Variants in RTN4RL1 observed in about 807,000 individuals in gnomAD.
RTN4RL1 encodes reticulon 4 receptor like 1, also known as reticulon-4 receptor-like 1.
RTN4RL1 carries 7 observed loss-of-function variants against 25.6 expected under a neutral mutation model. The observed-to-expected ratio is 0.27, with a 90% CI of 0.16 to 0.51. The LOEUF is 0.51. Among genes scored for constraint, RTN4RL1 ranks in the 20% least tolerant of loss-of-function variants. The pLI is 0.97. For synonymous variants in RTN4RL1, 297 were observed against 288.2 expected, an observed-to-expected ratio of 1.03 and a Z score of -0.31; for missense variants, 500 against 615.6, an observed-to-expected ratio of 0.81 and a Z score of 1.99.
intron 1 of RTN4RL1, among the ~76,000 whole-genome samples, chr17:1,981,831 C>T (rs11651343): frequency 0.099 from 15,084 of 152,258 alleles, 836 homozygotes; most frequent in Admixed American, 0.13. Flanking sequence ...AGAAATGTAT[C>T]ATCAGACCAT....
chr17:1,944,437 A>C (rs1915495883), intron 1 of RTN4RL1, among the ~76,000 whole-genome samples: 1 of 151,838 alleles, frequency 6.6e-6, no homozygotes, highest in Non-Finnish European at 1.5e-5. Context: ...CAGCGCCTTC[A>C]TTTCAGCTTC....
intron 1 of RTN4RL1, among the ~76,000 whole-genome samples, chr17:1,999,446 G>T (rs995763712): frequency 7.0e-5 from 8 of 114,546 alleles, no homozygotes; most frequent in African/African-American, 1.6e-4. Flanking sequence ...ACTCCGTCTC[G>T]AAAAAAATAA....
chr17:1,989,212 G>A (rs991123291), intron 1 of RTN4RL1, among the ~76,000 whole-genome samples: 2 of 152,152 alleles, frequency 1.3e-5, no homozygotes, highest in Non-Finnish European at 2.9e-5. Flanking sequence ...AGGATGTGCA[G>A]GAGATGGACT....
At chr17:1,959,353 A>G (rs2151309437) in intron 1 of RTN4RL1, among the ~76,000 whole-genome samples, 1 of 152,268 alleles carries the variant, frequency 6.6e-6, no homozygotes, top group South Asian at 2.1e-4. Flanking sequence ...CACTGGACAC[A>G]GTTGGCCCTC....
chr17:1,943,496 C>T (rs1915480121), intron 1 of RTN4RL1, among the ~76,000 whole-genome samples: 1 of 152,204 alleles, frequency 6.6e-6, no homozygotes, highest in South Asian at 2.1e-4. Flanking sequence ...GTCTTGGAGA[C>T]CGGTAAGATC....
At chr17:2,015,234 G>A (rs999069749) in intron 1 of RTN4RL1, among the ~76,000 whole-genome samples, 1 of 152,180 alleles carries the variant, frequency 6.6e-6, no homozygotes, top group Non-Finnish European at 1.5e-5. Flanking sequence ...CAGCTCTTGG[G>A]CTGGGGGTGG....
intron 1 of RTN4RL1, among the ~76,000 whole-genome samples, chr17:1,940,342 CGTGCTCTCTGTGCTCTCTGCA>C (rs1453391760): frequency 7.9e-5 from 12 of 152,224 alleles, no homozygotes; most frequent in African/African-American, 2.2e-4. Flanking sequence ...TGGGCCAAGC[CGTGCTCTCTGTGCTCTCTGCA>C]GTGACTTCTG....
intron 1 of RTN4RL1, among the ~76,000 whole-genome samples, chr17:1,997,009 C>T (rs1261744145): frequency 6.6e-6 from 1 of 152,208 alleles, no homozygotes; most frequent in Non-Finnish European, 1.5e-5. Context: ...CACCACTGCA[C>T]CATCCCCCGC....
intron 1 of RTN4RL1, among the ~76,000 whole-genome samples, chr17:1,952,765 C>T (rs1413386534): frequency 4.6e-5 from 7 of 151,464 alleles, no homozygotes; most frequent in Admixed American, 2.6e-4. Context: ...CCTCTCCTGC[C>T]GGGGGTGAGT....
chr17:2,008,878 T>C (rs2067021880), intron 1 of RTN4RL1, among the ~76,000 whole-genome samples: 1 of 152,000 alleles, frequency 6.6e-6, no homozygotes, highest in Admixed American at 6.6e-5. Context: ...GCCTTCCTTA[T>C]CACCTACACC....
At chr17:1,959,634 G>A (rs924400850) in intron 1 of RTN4RL1, among the ~76,000 whole-genome samples, 3 of 151,996 alleles carry the variant, frequency 2.0e-5, no homozygotes, top group East Asian at 1.9e-4. Flanking sequence ...GCACGATCTC[G>A]GCTCACTGCA....
In RTN4RL1 at chr17:2,025,075, G is replaced by A; in HGVS notation, c.-210C>T. On this transcript the variant is annotated 5_prime_UTR_variant, in exon 1 of 2. Transcript: ENST00000331238. This position sits in a 1 kb window ranked among gnomAD's most constrained non-coding sequence, Gnocchi z 4.8. ...GGCACCGGCGCCCGCAAGCAACCGT[G>A]GTGCTGCCCGGCAGCCCCGCGCGCT... 1 of 422,344 alleles carries A rather than the reference G, an allele frequency of 2.4e-6. No individual in the cohort carries two copies. Among genetic ancestry groups the A allele is most frequent in the Non-Finnish European group, 4.2e-6 (1 of 240,292 alleles). 26.2% of individuals were successfully genotyped at this position (422,344 alleles called of 1,614,324 possible).
At chr17:2,023,879 C>CT in intron 1 of RTN4RL1, among the ~76,000 whole-genome samples, 1 of 152,180 alleles carries the variant, frequency 6.6e-6, no homozygotes, top group East Asian at 1.9e-4. Context: ...GCCGGGGCAG[C>CT]CAGCCGCAGG....
chr17:1,945,940 G>A (rs145728839), intron 1 of RTN4RL1, among the ~76,000 whole-genome samples: 69 of 152,342 alleles, frequency 4.5e-4, no homozygotes, highest in African/African-American at 1.1e-3. Flanking sequence ...CCTAGCAGGC[G>A]CTCCATAAAC....
In RTN4RL1 at chr17:1,934,904, T is replaced by A. The variant is rs1257487346; in HGVS notation, c.*1592A>T. The A allele has an allele frequency of 6.6e-6, 1 of 152,326 alleles. No individual in the cohort carries two copies. The highest frequency in any genetic ancestry group is 1.5e-5 in the Non-Finnish European group (1 of 68,124). 9.4% of individuals were successfully genotyped at this position (152,326 alleles called of 1,614,324 possible). On this transcript the variant is annotated 3_prime_UTR_variant, in exon 2 of 2. Transcript: ENST00000331238. The surrounding 1 kb of genome is among the most constrained non-coding windows in gnomAD (Gnocchi z 4.0). Reference sequence around the variant, plus strand: ...CCAGTCCCTGCTTCTGACCCCTGAGTCCGGCCTCCCGAGCCTCTGCCTGCA... The same window carrying A: ...CCAGTCCCTGCTTCTGACCCCTGAGACCGGCCTCCCGAGCCTCTGCCTGCA...
chr17:1,979,159 G>C (rs1371305438), intron 1 of RTN4RL1, among the ~76,000 whole-genome samples: 1 of 152,262 alleles, frequency 6.6e-6, no homozygotes, highest in Non-Finnish European at 1.5e-5. Context: ...TGTAATCCCA[G>C]TTATTCAGGA....
intron 1 of RTN4RL1, among the ~76,000 whole-genome samples, chr17:1,960,553 T>A (rs1188791618): frequency 6.6e-6 from 1 of 152,198 alleles, no homozygotes; most frequent in South Asian, 2.1e-4. Flanking sequence ...TTGTAAAATA[T>A]ACACATTTTT....
chr17:1,960,297 T>A (rs1198481971), intron 1 of RTN4RL1, among the ~76,000 whole-genome samples: 1 of 146,620 alleles, frequency 6.8e-6, no homozygotes, highest in African/African-American at 2.5e-5. Context: ...ACCCACAGCC[T>A]AAGCACAGCC....
intron 1 of RTN4RL1, among the ~76,000 whole-genome samples, chr17:2,021,112 T>A (rs1266137606): frequency 2.0e-5 from 3 of 151,906 alleles, no homozygotes; most frequent in Admixed American, 6.6e-5. Context: ...CCCACTGGGG[T>A]TGTTCTAGTT....
Sources: allele counts gnomAD v4.1 joint callset (sites outside exome capture counted in the v4.1 genomes callset), GRCh38; gene constraint gnomAD v4.1.1; non-coding constraint Gnocchi (gnomAD v3.1); transcripts MANE v1.5; gene names NCBI Gene and HGNC (gene_info 2026-07-23, HGNC 2026-07-21).